ABCC1: variants seen among roughly 807,000 people sequenced by gnomAD.
The protein encoded by ABCC1 is ATP binding cassette subfamily C member 1 (ABCC1 blood group).
A neutral mutation model predicts 172.9 loss-of-function variants in ABCC1; 83 were observed. That is an observed-to-expected ratio of 0.48 (90% CI 0.40 to 0.58). The LOEUF is 0.58. ABCC1 is among the 20% of genes least tolerant of loss of function. The pLI, the probability that ABCC1 is intolerant of heterozygous loss-of-function variation, is 0.00. For missense variants in ABCC1, 1,817 were observed against 2,002.7 expected, an observed-to-expected ratio of 0.91 and a Z score of 1.77; for synonymous variants, 937 against 825.2, an observed-to-expected ratio of 1.14 and a Z score of -2.32.
At chr16:15,957,306 G>A (rs965727237) in intron 1 of ABCC1, among the ~76,000 whole-genome samples, 3 of 146,278 alleles carry the variant, frequency 2.1e-5, no homozygotes, top group Admixed American at 6.9e-5. Context: ...GGTTGGTGGT[G>A]AACTCCTGAA....
rs1455420726 is a variant in ABCC1, at chr16:16,014,558, C to G, written c.419C>G (p.Thr140Ser). 6.2e-7 allele frequency: 1 copy of G among 1,614,170 alleles called. No individual in the cohort carries two copies. Among genetic ancestry groups the G allele is most frequent in the Non-Finnish European group, 8.5e-7 (1 of 1,180,032 alleles). ...GTTCAGTCTTCAGGGATCATGCTCA[C>G]TTTCTGGCTGGTAGCCCTAGTGTGT... ...KGVQSSGIMLTFWLVALVCAL... is the reference protein window; with the variant it reads ...KGVQSSGIMLSFWLVALVCAL... Residue 140 changes from threonine (T) to serine (S), a missense_variant, in exon 4 of 31, where the codon ACT becomes AGT. By Grantham distance (58) the Thr-to-Ser change is moderately conservative. Coordinates refer to ENST00000399410, the MANE Select transcript of ABCC1 (RefSeq NM_004996.4).
intron 1 of ABCC1, among the ~76,000 whole-genome samples, chr16:15,955,271 G>A (rs924065640): frequency 6.6e-6 from 1 of 152,084 alleles, no homozygotes; most frequent in Non-Finnish European, 1.5e-5. Context: ...CAGGAGAATC[G>A]CTTGAGCCCA....
At chr16:16,113,045 G>A (rs1294948946) in intron 22 of ABCC1, among the ~76,000 whole-genome samples, 1 of 152,160 alleles carries the variant, frequency 6.6e-6, no homozygotes, top group African/African-American at 2.4e-5. Context: ...GGAAGTTGCT[G>A]CTCTGGAACA....
intron 1 of ABCC1, among the ~76,000 whole-genome samples, chr16:15,964,764 G>A (rs1210926855): frequency 1.3e-5 from 2 of 151,006 alleles, no homozygotes; most frequent in Admixed American, 6.6e-5. Flanking sequence ...TCGATCCTCC[G>A]GCTTTGGCCT....
At chr16:15,979,218 G>A (rs537527450) in intron 1 of ABCC1, among the ~76,000 whole-genome samples, 1 of 152,036 alleles carries the variant, frequency 6.6e-6, no homozygotes, top group Non-Finnish European at 1.5e-5. Flanking sequence ...TTTAACCTGG[G>A]AGGCGGAGGT....
intron 2 of ABCC1, among the ~76,000 whole-genome samples, chr16:16,008,842 C>CAAAA (rs1208088210): frequency 3.5e-4 from 21 of 60,200 alleles, no homozygotes; most frequent in African/African-American, 1.1e-3. Flanking sequence ...GACTCCTTCT[C>CAAAA]AAAAAAAAAA....
chr16:16,072,156 C>T (rs1397462276), intron 14 of ABCC1, among the ~76,000 whole-genome samples: 1 of 149,960 alleles, frequency 6.7e-6, no homozygotes, highest in East Asian at 2.0e-4. Flanking sequence ...ACAAAAGTAC[C>T]TTTCTTTGGC....
chr16:16,089,601 G>A (rs980039808), intron 18 of ABCC1, among the ~76,000 whole-genome samples: 4 of 151,494 alleles, frequency 2.6e-5, no homozygotes, highest in Admixed American at 1.3e-4. Context: ...TGGGCGCAGC[G>A]GCTCACACCT....
rs759025659 is a variant in ABCC1, at chr16:16,052,770, T to C, written c.1427T>C (p.Met476Thr). ...VLAGVAVMVL[M>T]VPVNAVMAMK... ...GCTGGAGTGGCGGTGATGGTCCTCA[T>C]GGTGCCCGTCAATGCTGTGATGGCG... The change falls in exon 11 of 31, where the codon ATG becomes ACG. Residue 476 changes from methionine (M) to threonine (T), a missense_variant. This residue lies in a region of ABCC1 where 1,412 missense variants were observed against 1,600.3 expected (regional missense o/e 0.88). Coordinates refer to ENST00000399410, the MANE Select transcript of ABCC1 (RefSeq NM_004996.4). The C allele has an allele frequency of 3.7e-6, 6 of 1,614,140 alleles. No individual in the cohort carries two copies. The South Asian group carries it at 6.6e-5, about 18-fold the overall frequency.
chr16:15,964,953 TAGTTTGTAA>T (rs1290216965), intron 1 of ABCC1, among the ~76,000 whole-genome samples: 1 of 152,244 alleles, frequency 6.6e-6, no homozygotes, highest in Non-Finnish European at 1.5e-5. Context: ...TTTTTCCTGT[TAGTTTGTAA>T]GGGCTCTTGT....
Position 16,052,754 on chromosome 16 carries a change from G to A in ABCC1, c.1411G>A (p.Ala471Thr). 6.2e-7 allele frequency: 1 copy of A among 1,614,164 alleles called. No individual in the cohort carries two copies. Among genetic ancestry groups the A allele is most frequent in the Middle Eastern group, 1.6e-4 (1 of 6,062 alleles). The change falls in exon 11 of 31, where the codon GCG becomes ACG. Residue 471 changes from alanine to threonine, a missense_variant. By Grantham distance (58) the Ala-to-Thr change is moderately conservative (BLOSUM62 0). Transcript: ENST00000399410. ...GGGCCCTTCCGTCCTGGCTGGAGTGGCGGTGATGGTCCTCATGGTGCCCGT... is the reference window on the plus strand; with the variant it reads ...GGGCCCTTCCGTCCTGGCTGGAGTGACGGTGATGGTCCTCATGGTGCCCGT... Reference protein sequence around the residue: ...NLGPSVLAGVAVMVLMVPVNA... With the variant: ...NLGPSVLAGVTVMVLMVPVNA...
chr16:16,122,730 A>T (rs978806487), intron 24 of ABCC1, among the ~76,000 whole-genome samples: 1 of 151,578 alleles, frequency 6.6e-6, no homozygotes, highest in East Asian at 1.9e-4. Flanking sequence ...AAAAAAAAAA[A>T]AAAAGTAGCC....
chr16:16,049,607 A>G (rs1248534766), intron 10 of ABCC1, among the ~76,000 whole-genome samples: 4 of 152,124 alleles, frequency 2.6e-5, no homozygotes, highest in Admixed American at 1.3e-4. Flanking sequence ...AATTAGATGG[A>G]CTTCTTCTTT....
intron 14 of ABCC1, 144 bp downstream of exon 14, chr16:16,071,873 G>T (rs2050364946): frequency 2.8e-6 from 2 of 726,500 alleles, no homozygotes; most frequent in Non-Finnish European, 4.7e-6. Flanking sequence ...GGGGGACAAG[G>T]GTTCTGCAGA....
At chr16:16,052,885 T>C in intron 11 of ABCC1, 69 bp downstream of exon 11, 1 of 1,457,942 alleles carries the variant, frequency 6.9e-7, no homozygotes, top group Non-Finnish European at 9.6e-7. Flanking sequence ...AGGATTTTAG[T>C]CCAGTTCCTT....
intron 1 of ABCC1, among the ~76,000 whole-genome samples, chr16:16,006,702 C>T (rs1386279104): frequency 3.9e-5 from 6 of 151,980 alleles, no homozygotes; most frequent in Non-Finnish European, 7.4e-5. Flanking sequence ...TGATACTGGA[C>T]ACAGTATTTA....
Position 16,125,931 on chromosome 16 carries a change from T to A in ABCC1, c.3819+20T>A. ...AAGGAGGTAGGCAAGGGCCCCTGGC[T>A]GGACCTCTTGGTCTTTGGTGTAGCT... On this transcript the variant is annotated intron_variant, in intron 26 of 30. Transcript: ENST00000399410. 1 of 1,589,180 alleles carries A rather than the reference T, an allele frequency of 6.3e-7. No individual in the cohort carries two copies.
At chr16:16,020,285 A>G (rs1307882700) in intron 5 of ABCC1, among the ~76,000 whole-genome samples, 4 of 152,108 alleles carry the variant, frequency 2.6e-5, no homozygotes, top group Non-Finnish European at 4.4e-5. Context: ...AGGCTGCTGC[A>G]TTTCTGACAT....
chr16:16,134,667 C>T (rs547013063), intron 28 of ABCC1, among the ~76,000 whole-genome samples, 159 bp downstream of exon 28: 3 of 132,214 alleles, frequency 2.3e-5, no homozygotes, highest in East Asian at 2.3e-4. Context: ...AACAGGGTCT[C>T]GCTCTGTTGC....
Sources: allele counts gnomAD v4.1 joint callset (sites outside exome capture counted in the v4.1 genomes callset), GRCh38; gene constraint gnomAD v4.1.1; regional missense constraint gnomAD v4.1.1; transcripts MANE v1.5; gene names NCBI Gene and HGNC (gene_info 2026-07-23, HGNC 2026-07-21).